Variants in ADAMTS6 observed in about 807,000 individuals in gnomAD.
The protein encoded by ADAMTS6 is A disintegrin and metalloproteinase with thrombospondin motifs 6.
Under a neutral mutation model 144.3 loss-of-function variants are expected in ADAMTS6, and 23 were observed. That is an observed-to-expected ratio of 0.16 (90% confidence interval 0.11 to 0.23). ADAMTS6 has a LOEUF of 0.23. Among genes scored for constraint, ADAMTS6 ranks in the 10% least tolerant of loss-of-function variants. The probability of loss-of-function intolerance (pLI) is 1.00; values close to 1 mark genes in which losing one functional copy is unlikely to be tolerated. For synonymous variants in ADAMTS6, 444 were observed against 457.5 expected (o/e 0.97, Z 0.38); for missense variants, 999 against 1,379.6 (o/e 0.72, Z 4.37).
chr5:65,313,649 A>C (rs1744715139), intron 9 of ADAMTS6, among the ~76,000 whole-genome samples: 1 of 152,092 alleles, frequency 6.6e-6, no homozygotes. Context: ...AGAAAATAAT[A>C]TTATTAAGCA....
chr5:65,311,773 A>T (rs549837629), intron 9 of ADAMTS6, among the ~76,000 whole-genome samples: 1 of 152,186 alleles, frequency 6.6e-6, no homozygotes, highest in African/African-American at 2.4e-5. Flanking sequence ...GAAAGAGCAA[A>T]CATAGCCTAC....
At chr5:65,333,789 A>C (rs1747012751) in intron 8 of ADAMTS6, among the ~76,000 whole-genome samples, 1 of 151,606 alleles carries the variant, frequency 6.6e-6, no homozygotes. Context: ...TAATTTTAAT[A>C]ATCATTCCAG....
At chr5:65,383,337 C>T (rs1752200025) in intron 7 of ADAMTS6, among the ~76,000 whole-genome samples, 1 of 152,098 alleles carries the variant, frequency 6.6e-6, no homozygotes, top group South Asian at 2.1e-4. Context: ...GCAAACTGCT[C>T]TCCAGTTGTG....
intron 14 of ADAMTS6, among the ~76,000 whole-genome samples, chr5:65,256,918 T>A (rs1760706231): frequency 6.6e-6 from 1 of 151,628 alleles, no homozygotes; most frequent in African/African-American, 2.4e-5. Context: ...CAAATCACTA[T>A]CTGGCTTCAC....
chr5:65,263,023 A>T, intron 12 of ADAMTS6, 61 bp from the exon 13 acceptor site: 1 of 1,606,626 alleles, frequency 6.2e-7, no homozygotes, highest in Non-Finnish European at 8.5e-7. Context: ...ATCAGGATAG[A>T]AATACATAAG....
At chr5:65,305,175 G>T (rs1356823651) in intron 9 of ADAMTS6, among the ~76,000 whole-genome samples, 1 of 152,074 alleles carries the variant, frequency 6.6e-6, no homozygotes, top group East Asian at 1.9e-4. Context: ...GATAAAACAA[G>T]GGTTGCAAAA....
At chr5:65,185,624 G>A (rs1352771034) in intron 22 of ADAMTS6, among the ~76,000 whole-genome samples, 14 of 152,166 alleles carry the variant, frequency 9.2e-5, no homozygotes, top group Admixed American at 5.2e-4. Flanking sequence ...GCGATTAAAA[G>A]TGTCCTCAGC....
chr5:65,355,142 T>C (rs1749201204), intron 7 of ADAMTS6, among the ~76,000 whole-genome samples: 1 of 151,802 alleles, frequency 6.6e-6, no homozygotes, highest in African/African-American at 2.4e-5. Context: ...ATCTAGTATA[T>C]CTTCTAATTT....
intron 1 of ADAMTS6, 28 bp downstream of exon 1, chr5:65,481,315 C>T (rs1390620122): frequency 2.0e-5 from 3 of 151,566 alleles, no homozygotes; most frequent in Non-Finnish European, 2.9e-5. Context: ...AAAAAAAGCT[C>T]CATTGAATAT....
At chr5:65,295,946 G>A (rs1318946580) in intron 10 of ADAMTS6, among the ~76,000 whole-genome samples, 3 of 151,772 alleles carry the variant, frequency 2.0e-5, no homozygotes, top group Admixed American at 6.6e-5. Flanking sequence ...GTTACAGTTC[G>A]GTCATCAGCA....
chr5:65,177,553 T>C (rs535598478), intron 22 of ADAMTS6, among the ~76,000 whole-genome samples: 63 of 152,300 alleles, frequency 4.1e-4, no homozygotes, highest in African/African-American at 1.4e-3. Flanking sequence ...TGCCCCCCAA[T>C]GTAGAGCTTT....
intron 11 of ADAMTS6, among the ~76,000 whole-genome samples, chr5:65,276,418 T>A (rs189637442): frequency 1.3e-5 from 2 of 152,188 alleles, no homozygotes; most frequent in South Asian, 4.1e-4. Context: ...AGATAGATCT[T>A]GCAATTTGAA....
At chr5:65,185,777 A>G (rs951171704) in intron 22 of ADAMTS6, among the ~76,000 whole-genome samples, 1 of 152,220 alleles carries the variant, frequency 6.6e-6, no homozygotes, top group Non-Finnish European at 1.5e-5. Flanking sequence ...TTGAATTCTG[A>G]AGGAAACTTT....
At chr5:65,304,729 C>T (rs2112816954) in intron 9 of ADAMTS6, among the ~76,000 whole-genome samples, 1 of 151,990 alleles carries the variant, frequency 6.6e-6, no homozygotes, top group South Asian at 2.1e-4. Context: ...CCATATCTGG[C>T]CTATATGAGT....
chr5:65,160,965 G>T (rs1752735497), intron 24 of ADAMTS6, among the ~76,000 whole-genome samples: 1 of 145,750 alleles, frequency 6.9e-6, no homozygotes, highest in African/African-American at 2.5e-5. Flanking sequence ...TTTCTTCCTT[G>T]ATCTGCCTCC....
intron 21 of ADAMTS6, among the ~76,000 whole-genome samples, chr5:65,192,826 CAT>C (rs1054024359): frequency 1.3e-5 from 2 of 151,866 alleles, no homozygotes; most frequent in Non-Finnish European, 2.9e-5. Flanking sequence ...TCCAAATAAA[CAT>C]AATATTATTT....
At chr5:65,469,534 G>T (rs1760271854) in intron 3 of ADAMTS6, among the ~76,000 whole-genome samples, 1 of 152,148 alleles carries the variant, frequency 6.6e-6, no homozygotes, top group African/African-American at 2.4e-5. Flanking sequence ...AAATAAATCT[G>T]TTTTATAGAG....
intron 7 of ADAMTS6, among the ~76,000 whole-genome samples, chr5:65,374,271 G>A (rs1359118360): frequency 6.6e-6 from 1 of 151,934 alleles, no homozygotes; most frequent in Non-Finnish European, 1.5e-5. Context: ...CAATTAGGCA[G>A]GAGAAGGAAA....
intron 20 of ADAMTS6, among the ~76,000 whole-genome samples, chr5:65,208,075 T>C (rs1252793770): frequency 6.6e-6 from 1 of 152,228 alleles, no homozygotes; most frequent in Non-Finnish European, 1.5e-5. Context: ...CCTTCTCTGA[T>C]GCTCCTCTCT....
Sources: gnomAD v4.1 joint callset for allele counts (sites outside exome capture counted in the v4.1 genomes callset) on GRCh38, gnomAD v4.1.1 for gene constraint, MANE v1.5 for transcripts, NCBI Gene and HGNC (gene_info 2026-07-23, HGNC 2026-07-21) for gene names.